PAMR1: variants seen among roughly 807,000 people sequenced by gnomAD.
The protein encoded by PAMR1 is inactive serine protease PAMR1.
In PAMR1, 88 loss-of-function variants were observed where a neutral mutation model predicts 81.8. The observed-to-expected ratio is 1.08, with a 90% CI of 0.91 to 1.28. The LOEUF is 1.28. Among genes scored for constraint, PAMR1 ranks in the 50% most tolerant of loss-of-function variants. The probability of loss-of-function intolerance (pLI) is 0.00; values close to 1 mark genes in which losing one functional copy is unlikely to be tolerated. For synonymous variants in PAMR1, 336 were observed against 345.3 expected (o/e 0.97, Z 0.30); for missense variants, 935 against 919.7 (o/e 1.02, Z -0.21).
chr11:35,479,321 T>TA (rs1230786048), intron 3 of PAMR1, among the ~76,000 whole-genome samples: 1 of 152,186 alleles, frequency 6.6e-6, no homozygotes, highest in African/African-American at 2.4e-5. Flanking sequence ...TGTGTGACTC[T>TA]AAAAAAGGCC....
intron 3 of PAMR1, among the ~76,000 whole-genome samples, chr11:35,475,161 A>C (rs1319515639): frequency 6.6e-6 from 1 of 152,164 alleles, no homozygotes; most frequent in East Asian, 1.9e-4. Flanking sequence ...AAAGGCTCAG[A>C]AAGTAGACCC....
At chr11:35,494,035 G>T in intron 2 of PAMR1, 61 bp downstream of exon 2, 4 of 1,362,636 alleles carry the variant, frequency 2.9e-6, no homozygotes, top group Non-Finnish European at 3.1e-6. Flanking sequence ...CGTTCAGCCT[G>T]TTCCTGTTCA....
At chr11:35,453,744 A>T (rs534717029) in intron 6 of PAMR1, among the ~76,000 whole-genome samples, 15 of 152,202 alleles carry the variant, frequency 9.9e-5, no homozygotes, top group Non-Finnish European at 1.9e-4. Context: ...TGAGTGTTTC[A>T]TTTATCTTCA....
At chr11:35,483,349 G>C (rs923521939) in intron 3 of PAMR1, among the ~76,000 whole-genome samples, 8 of 152,184 alleles carry the variant, frequency 5.3e-5, no homozygotes, top group South Asian at 2.1e-4. Context: ...GAGACCACAA[G>C]CTTATAAAGC....
chr11:35,490,737 C>G (rs986736080), intron 3 of PAMR1, among the ~76,000 whole-genome samples: 1 of 152,174 alleles, frequency 6.6e-6, no homozygotes, highest in Non-Finnish European at 1.5e-5. Flanking sequence ...ATTAATTGAG[C>G]TTTTACTATT....
intron 1 of PAMR1, among the ~76,000 whole-genome samples, chr11:35,505,907 T>TTTGC (rs58405729): frequency 6.6e-6 from 1 of 151,836 alleles, no homozygotes; most frequent in East Asian, 1.9e-4. Flanking sequence ...TTGTTCTCTG[T>TTTGC]CATGTAACTC....
At chr11:35,486,792 T>G (rs1430352266) in intron 3 of PAMR1, among the ~76,000 whole-genome samples, 1 of 152,228 alleles carries the variant, frequency 6.6e-6, no homozygotes, top group East Asian at 1.9e-4. Context: ...ATTGACTTCT[T>G]GCATGCAAAT....
intron 1 of PAMR1, among the ~76,000 whole-genome samples, chr11:35,495,165 C>A (rs878880352): frequency 6.6e-5 from 10 of 152,330 alleles, no homozygotes; most frequent in Admixed American, 2.6e-4. Flanking sequence ...CCAAACTTGG[C>A]CCCTCAGTTT....
At chr11:35,449,929 G>C (rs754927330) in intron 6 of PAMR1, among the ~76,000 whole-genome samples, 5 of 151,902 alleles carry the variant, frequency 3.3e-5, no homozygotes, top group Admixed American at 6.6e-5. Context: ...CAACCACCTA[G>C]TCAGTCTCAA....
At chr11:35,445,620 G>A (rs1409207698) in intron 6 of PAMR1, among the ~76,000 whole-genome samples, 1 of 152,110 alleles carries the variant, frequency 6.6e-6, no homozygotes, top group Non-Finnish European at 1.5e-5. Flanking sequence ...TTCTGTTTAT[G>A]TGATGAATTA....
intron 6 of PAMR1, among the ~76,000 whole-genome samples, chr11:35,450,433 G>A (rs979621200): frequency 2.0e-5 from 3 of 152,136 alleles, no homozygotes; most frequent in African/African-American, 7.2e-5. Flanking sequence ...TAAAAATACT[G>A]TGATGGTATA....
At chr11:35,462,534 A>T (rs995466305) in intron 6 of PAMR1, among the ~76,000 whole-genome samples, 3 of 152,208 alleles carry the variant, frequency 2.0e-5, no homozygotes, top group African/African-American at 4.8e-5. Context: ...TGAGAAAGTT[A>T]TGTCATAATT....
At chr11:35,469,347 A>G (rs1856809217) in intron 5 of PAMR1, among the ~76,000 whole-genome samples, 1 of 152,228 alleles carries the variant, frequency 6.6e-6, no homozygotes, top group African/African-American at 2.4e-5. Flanking sequence ...TCAGAGGAGC[A>G]AGACATTCTC....
rs143941899 is a variant in PAMR1, at chr11:35,444,544, T to C, written c.821-2851A>G. Among the ~76,000 whole-genome samples, 1,064 of 152,316 alleles carry C rather than the reference T, an allele frequency of 7.0e-3. 13 individuals carry two copies. Among genetic ancestry groups the C allele is most frequent in the African/African-American group, 0.024 (987 of 41,576 alleles). ...ATAAAGTGTAAGGAATGGGTCCAGG[T>C]TCAATTTTCTGCATATGCCTAGCCA... On this transcript the variant is annotated intron_variant, in intron 6 of 10. Coordinates refer to ENST00000619888, the MANE Select transcript of PAMR1 (RefSeq NM_001001991.3).
At position 35,432,385 on chromosome 11, in the gene PAMR1, T is replaced by C; in HGVS notation, c.2134A>G (p.Lys712Glu). 6.2e-7 allele frequency: 1 copy of C among 1,613,360 alleles called. No homozygotes were observed. Among genetic ancestry groups the C allele is most frequent in the Non-Finnish European group, 8.5e-7 (1 of 1,180,010 alleles). ...TTCATATTTCTTTCAATCCAGTCTTTAAAAGGCAGCACCTTGGTGAAGGCA... is the reference window on the plus strand; with the variant it reads ...TTCATATTTCTTTCAATCCAGTCTTCAAAAGGCAGCACCTTGGTGAAGGCA... ...STAFTKVLPFKDWIERNMK is the reference protein window; with the variant it reads ...STAFTKVLPFEDWIERNMK Residue 712 changes from lysine to glutamate, a missense_variant, in exon 11 of 11, where the codon AAA (lysine) becomes GAA (glutamate). By Grantham distance (56) the Lys-to-Glu change is moderately conservative. Coordinates refer to ENST00000619888, the MANE Select transcript of PAMR1 (RefSeq NM_001001991.3).
intron 3 of PAMR1, among the ~76,000 whole-genome samples, chr11:35,480,761 C>T (rs755829810): frequency 2.9e-4 from 44 of 152,238 alleles, no homozygotes; most frequent in Admixed American, 4.6e-4. Flanking sequence ...TAGGAATACA[C>T]GTGCCATGGT....
chr11:35,483,273 C>T (rs529623489), intron 3 of PAMR1, among the ~76,000 whole-genome samples: 1 of 152,016 alleles, frequency 6.6e-6, no homozygotes, highest in African/African-American at 2.4e-5. Context: ...CCTCCTTCCC[C>T]CAGCTTCCTG....
At chr11:35,483,021 G>A (rs1170604100) in intron 3 of PAMR1, among the ~76,000 whole-genome samples, 1 of 152,026 alleles carries the variant, frequency 6.6e-6, no homozygotes, top group Admixed American at 6.6e-5. Flanking sequence ...CTTTTGACTG[G>A]TTGTTCTCTT....
upstream of PAMR1, among the ~76,000 whole-genome samples, chr11:35,526,675 G>GA (rs1851398797): frequency 6.6e-6 from 1 of 152,200 alleles, no homozygotes. Context: ...GGGCAGCTTA[G>GA]GCCCACAGGC....
Sources: gnomAD v4.1 joint callset for allele counts (sites outside exome capture counted in the v4.1 genomes callset) on GRCh38, gnomAD v4.1.1 for gene constraint, MANE v1.5 for transcripts, NCBI Gene and HGNC (gene_info 2026-07-23, HGNC 2026-07-21) for gene names.